The following GPC6 variants were observed in gnomAD, a reference collection of about 807,000 sequenced individuals.
GPC6 encodes the protein glypican 6.
In GPC6, 14 loss-of-function variants were observed where a neutral mutation model predicts 55.2. The ratio of observed to expected loss-of-function variants is 0.25; its 90% CI spans 0.17 to 0.40. The LOEUF (loss-of-function observed/expected upper bound fraction) is 0.40. GPC6 is among the 10% of genes least tolerant of loss of function. The pLI is 1.00. For missense variants in GPC6, 641 were observed against 708.5 expected, an observed-to-expected ratio of 0.90 and a Z score of 1.08; for synonymous variants, 278 against 259.6, an observed-to-expected ratio of 1.07 and a Z score of -0.68.
At chr13:94,190,747 G>T (rs1433939908) in intron 4 of GPC6, among the ~76,000 whole-genome samples, 3 of 152,124 alleles carry the variant, frequency 2.0e-5, no homozygotes, top group African/African-American at 7.2e-5. Flanking sequence ...GTATTAAGGA[G>T]TAAAAGGCCA....
intron 1 of GPC6, among the ~76,000 whole-genome samples, chr13:93,371,833 C>T (rs1187697878): frequency 6.6e-6 from 1 of 152,070 alleles, no homozygotes; most frequent in Non-Finnish European, 1.5e-5. Context: ...AAAAAAGACT[C>T]TTAGGAATAG....
chr13:93,682,670 C>T (rs1015700141), intron 2 of GPC6, among the ~76,000 whole-genome samples: 1 of 151,904 alleles, frequency 6.6e-6, no homozygotes, highest in Non-Finnish European at 1.5e-5. Context: ...TCAGAATCTG[C>T]CCATTTTCTT....
chr13:93,459,649 T>C (rs1367786463), intron 1 of GPC6, among the ~76,000 whole-genome samples: 2 of 152,164 alleles, frequency 1.3e-5, no homozygotes, highest in African/African-American at 4.8e-5. Flanking sequence ...CAGTGTGTCT[T>C]CACTTTTAAT....
chr13:94,112,432 A>T (rs1886281118), intron 4 of GPC6, among the ~76,000 whole-genome samples: 1 of 152,186 alleles, frequency 6.6e-6, no homozygotes, highest in African/African-American at 2.4e-5. Flanking sequence ...TGGAATTCGC[A>T]CACACACTCA....
rs554737917 is a variant in GPC6 at position 93,884,052 on chromosome 13, G to A, written c.711+53507G>A. 9.2e-5 allele frequency among the ~76,000 whole-genome samples: 14 copies of A among 152,140 alleles called. No individual in the cohort carries two copies. The East Asian group carries it at 1.5e-3, about 17-fold the overall frequency. ...AGTATTTGTCCACAGCTATGTATTC[G>A]ACATATGGCACATACTCAATAAATG... is the stretch of plus-strand genomic sequence containing the variant. On this transcript the variant is annotated intron_variant, in intron 3 of 8. Coordinates refer to ENST00000377047, the MANE Select transcript of GPC6 (RefSeq NM_005708.5).
At chr13:93,416,372 A>G (rs905775542) in intron 1 of GPC6, among the ~76,000 whole-genome samples, 2 of 152,054 alleles carry the variant, frequency 1.3e-5, no homozygotes, top group Non-Finnish European at 2.9e-5. Context: ...ACATTATCAC[A>G]TTTGATTCTT....
intron 2 of GPC6, among the ~76,000 whole-genome samples, chr13:93,774,604 A>G (rs1024954081): frequency 4.6e-5 from 7 of 152,186 alleles, no homozygotes; most frequent in Admixed American, 6.6e-5. Flanking sequence ...TAATAATACC[A>G]TGTTATATTC....
intron 6 of GPC6, among the ~76,000 whole-genome samples, chr13:94,347,839 C>T (rs935499163): frequency 2.6e-5 from 4 of 152,186 alleles, no homozygotes; most frequent in Non-Finnish European, 4.4e-5. Flanking sequence ...GCATAACAAC[C>T]ATGTTTGGGA....
At chr13:94,340,494 C>T (rs1381245963) in intron 6 of GPC6, among the ~76,000 whole-genome samples, 1 of 152,150 alleles carries the variant, frequency 6.6e-6, no homozygotes, top group Non-Finnish European at 1.5e-5. Context: ...AATTATTTGG[C>T]CTTGGGGAGA....
At chr13:93,701,932 A>G (rs1882683762) in intron 2 of GPC6, among the ~76,000 whole-genome samples, 2 of 152,030 alleles carry the variant, frequency 1.3e-5, no homozygotes. Context: ...AAAGACTTCA[A>G]ATCCATCAGG....
At chr13:93,825,855 A>C (rs373292895) in intron 2 of GPC6, among the ~76,000 whole-genome samples, 6 of 114,646 alleles carry the variant, frequency 5.2e-5, no homozygotes, top group South Asian at 2.8e-4. Context: ...TTATTTTATT[A>C]TTTTCTTTTT....
At chr13:93,980,991 T>A (rs9524299) in intron 3 of GPC6, among the ~76,000 whole-genome samples, 2 of 152,112 alleles carry the variant, frequency 1.3e-5, no homozygotes, top group Non-Finnish European at 2.9e-5. Context: ...GTATGCCAAC[T>A]GAAGACATTA....
At chr13:93,739,352 TTAAAG>T (rs1177402545) in intron 2 of GPC6, among the ~76,000 whole-genome samples, 1 of 152,136 alleles carries the variant, frequency 6.6e-6, no homozygotes. Flanking sequence ...CCTGTATGTA[TTAAAG>T]CTCAAAAGAA....
intron 2 of GPC6, among the ~76,000 whole-genome samples, chr13:93,738,332 G>A (rs542326416): frequency 1.3e-5 from 2 of 152,202 alleles, no homozygotes; most frequent in East Asian, 1.9e-4. Context: ...CTGAATAGTG[G>A]TATCTGGTCG....
At chr13:93,386,083 G>T (rs1875388178) in intron 1 of GPC6, among the ~76,000 whole-genome samples, 1 of 134,320 alleles carries the variant, frequency 7.4e-6, no homozygotes, top group East Asian at 2.6e-4. Flanking sequence ...AGGGGGAATG[G>T]AATGACCACT....
At chr13:93,582,835 C>T (rs780620657) in intron 2 of GPC6, among the ~76,000 whole-genome samples, 1 of 152,146 alleles carries the variant, frequency 6.6e-6, no homozygotes, top group Non-Finnish European at 1.5e-5. Context: ...TGAAACCTGT[C>T]GTTAAGCCTT....
intron 2 of GPC6, among the ~76,000 whole-genome samples, chr13:93,628,440 C>T (rs1403808375): frequency 2.0e-5 from 3 of 152,204 alleles, no homozygotes; most frequent in Non-Finnish European, 4.4e-5. Context: ...AGTCTGCCAA[C>T]ATGCACCCTT....
chr13:93,429,478 A>G (rs1206372811), intron 1 of GPC6, among the ~76,000 whole-genome samples: 1 of 152,096 alleles, frequency 6.6e-6, no homozygotes, highest in Non-Finnish European at 1.5e-5. Context: ...TCAGCTTGTG[A>G]TTATTTTTCC....
intron 2 of GPC6, among the ~76,000 whole-genome samples, chr13:93,546,806 T>G (rs1874812975): frequency 6.6e-6 from 1 of 152,176 alleles, no homozygotes; most frequent in South Asian, 2.1e-4. Context: ...AAGCAGGTGA[T>G]AATGATCTGT....
Sources: gnomAD v4.1 joint callset for allele counts (sites outside exome capture counted in the v4.1 genomes callset) on GRCh38, gnomAD v4.1.1 for gene constraint, MANE v1.5 for transcripts, NCBI Gene and HGNC (gene_info 2026-07-23, HGNC 2026-07-21) for gene names.